The following HS3ST5 variants were observed in gnomAD, a reference collection of about 807,000 sequenced individuals.
The protein encoded by HS3ST5 is heparan sulfate glucosamine 3-O-sulfotransferase 5.
In HS3ST5, 10 loss-of-function variants were observed where a neutral mutation model predicts 25.4. That is an observed-to-expected ratio of 0.39 (90% CI 0.24 to 0.67). The LOEUF is 0.67. Ranked by LOEUF, HS3ST5 falls within the 30% of genes least tolerant of loss-of-function variation. The pLI is 0.44. For missense variants in HS3ST5, 324 were observed against 420.7 expected (o/e 0.77, Z 2.01); for synonymous variants, 170 against 162.4 (o/e 1.05, Z -0.36).
intron 3 of HS3ST5, among the ~76,000 whole-genome samples, chr6:114,101,212 AG>A (rs1202730638): frequency 6.6e-6 from 1 of 152,216 alleles, no homozygotes; most frequent in Non-Finnish European, 1.5e-5. Flanking sequence ...AAGCCACAAA[AG>A]GGTTATTAAG....
At chr6:114,266,677 A>G (rs1212619814) in intron 1 of HS3ST5, among the ~76,000 whole-genome samples, 1 of 152,196 alleles carries the variant, frequency 6.6e-6, no homozygotes, top group Non-Finnish European at 1.5e-5. Context: ...CATCATAGAC[A>G]TATATATCAC....
At chr6:114,311,121 T>C (rs1775511968) in intron 1 of HS3ST5, among the ~76,000 whole-genome samples, 1 of 152,170 alleles carries the variant, frequency 6.6e-6, no homozygotes, top group African/African-American at 2.4e-5. Flanking sequence ...GCACTGTTAA[T>C]AATGACAAAA....
intron 2 of HS3ST5, among the ~76,000 whole-genome samples, chr6:114,223,276 C>T (rs1782126971): frequency 6.6e-6 from 1 of 151,628 alleles, no homozygotes; most frequent in Non-Finnish European, 1.5e-5. Context: ...CATCATAAAC[C>T]ACTTTGCATT....
At chr6:114,066,907 C>G (rs796490164) in intron 3 of HS3ST5, among the ~76,000 whole-genome samples, 13 of 152,230 alleles carry the variant, frequency 8.5e-5, no homozygotes, top group African/African-American at 3.1e-4. Flanking sequence ...TTTGGTTGTT[C>G]ACTGGATCAA....
At chr6:114,223,499 T>C (rs1254086638) in intron 2 of HS3ST5, among the ~76,000 whole-genome samples, 1 of 151,750 alleles carries the variant, frequency 6.6e-6, no homozygotes, top group Non-Finnish European at 1.5e-5. Flanking sequence ...GATAGGAAAA[T>C]TATTATCATC....
intron 1 of HS3ST5, among the ~76,000 whole-genome samples, chr6:114,320,942 T>C (rs933980974): frequency 4.8e-5 from 7 of 146,408 alleles, no homozygotes; most frequent in Non-Finnish European, 9.0e-5. Context: ...ACATATATAA[T>C]ATATAAAGCC....
At chr6:114,110,942 A>G (rs759899872) in intron 3 of HS3ST5, among the ~76,000 whole-genome samples, 1 of 152,200 alleles carries the variant, frequency 6.6e-6, no homozygotes, top group African/African-American at 2.4e-5. Flanking sequence ...TAAGAATATC[A>G]CTGTGAAAAT....
chr6:114,315,798 A>C (rs1353577115), intron 1 of HS3ST5, among the ~76,000 whole-genome samples: 2 of 152,284 alleles, frequency 1.3e-5, no homozygotes, highest in South Asian at 2.1e-4. Flanking sequence ...GGAAGAGAAA[A>C]AATTTTTTTT....
chr6:114,154,893 C>T (rs989156919), intron 3 of HS3ST5, among the ~76,000 whole-genome samples: 3 of 152,186 alleles, frequency 2.0e-5, no homozygotes, highest in African/African-American at 7.2e-5. Flanking sequence ...CTCCTCCCAT[C>T]ATCTGGGCAT....
At chr6:114,119,928 C>A (rs1348460165) in intron 3 of HS3ST5, among the ~76,000 whole-genome samples, 1 of 152,088 alleles carries the variant, frequency 6.6e-6, no homozygotes, top group African/African-American at 2.4e-5. Context: ...GGGTGGATCT[C>A]AAGGTCAGGA....
At chr6:114,101,032 TA>T (rs1775702197) in intron 3 of HS3ST5, among the ~76,000 whole-genome samples, 2 of 152,230 alleles carry the variant, frequency 1.3e-5, no homozygotes, top group Admixed American at 1.3e-4. Context: ...GGAAGTGAAT[TA>T]TTTTTCTGTC....
At chr6:114,247,199 T>C (rs1772420049) in intron 1 of HS3ST5, among the ~76,000 whole-genome samples, 1 of 152,198 alleles carries the variant, frequency 6.6e-6, no homozygotes, top group South Asian at 2.1e-4. Context: ...GTTAATCTTG[T>C]TGCAACACGG....
intron 1 of HS3ST5, among the ~76,000 whole-genome samples, chr6:114,328,894 A>G (rs1264322914): frequency 6.6e-6 from 1 of 152,172 alleles, no homozygotes; most frequent in Non-Finnish European, 1.5e-5. Flanking sequence ...GAGTACCTTT[A>G]TTGTGATGAT....
intron 1 of HS3ST5, among the ~76,000 whole-genome samples, chr6:114,264,826 T>G (rs560593776): frequency 6.6e-6 from 1 of 152,194 alleles, no homozygotes; most frequent in African/African-American, 2.4e-5. Context: ...AAAACTGATA[T>G]TTGAAAGTTG....
At chr6:114,260,537 G>T (rs114019034) in intron 1 of HS3ST5, among the ~76,000 whole-genome samples, 368 of 152,246 alleles carry the variant, frequency 2.4e-3, no homozygotes, top group African/African-American at 7.5e-3. Context: ...AGAAGTCAGG[G>T]TATTAACTAG....
chr6:114,164,707 C>G (rs1426655086), intron 3 of HS3ST5, among the ~76,000 whole-genome samples: 1 of 151,936 alleles, frequency 6.6e-6, no homozygotes, highest in African/African-American at 2.4e-5. Flanking sequence ...GTATATAAGT[C>G]TAAACAAAAG....
intron 1 of HS3ST5, among the ~76,000 whole-genome samples, chr6:114,294,571 G>A (rs1011436895): frequency 5.2e-4 from 78 of 149,202 alleles, no homozygotes; most frequent in African/African-American, 1.8e-3. Flanking sequence ...TCAGCCTCCC[G>A]AGTAGCTGGG....
intron 1 of HS3ST5, among the ~76,000 whole-genome samples, chr6:114,295,386 A>G (rs1451986869): frequency 6.6e-6 from 1 of 152,206 alleles, no homozygotes; most frequent in Non-Finnish European, 1.5e-5. Context: ...CAAAAGAGAT[A>G]AAGCACTTGA....
In HS3ST5 at chr6:114,118,744, C is replaced by T. The variant is rs551216171; in HGVS notation, c.-33+49607G>A. Among the ~76,000 whole-genome samples, 25 of 152,260 alleles carry T rather than the reference C, an allele frequency of 1.6e-4. No homozygotes were observed. The South Asian group carries it at 4.6e-3, about 28-fold the overall frequency. ...TGACAGGTGGTAGGAGAGTATTTCT[C>T]CATCCCCTTTAGAAGACAGGAGTAG... On this transcript the variant is annotated intron_variant, in intron 3 of 4. Coordinates refer to ENST00000312719, the MANE Select transcript of HS3ST5 (RefSeq NM_153612.4).
Sources: gnomAD v4.1 joint callset for allele counts (sites outside exome capture counted in the v4.1 genomes callset) on GRCh38, gnomAD v4.1.1 for gene constraint, MANE v1.5 for transcripts, NCBI Gene and HGNC (gene_info 2026-07-23, HGNC 2026-07-21) for gene names.